SHQ1: variants seen among roughly 807,000 people sequenced by gnomAD.
SHQ1 encodes the protein SHQ1, H/ACA ribonucleoprotein assembly factor.
Under a neutral mutation model 53.8 loss-of-function variants are expected in SHQ1, and 49 were observed. The observed-to-expected ratio is 0.91, with a 90% CI of 0.72 to 1.16. The LOEUF (loss-of-function observed/expected upper bound fraction) is 1.16, where lower values mean the gene tolerates loss of function less well. Ranked by LOEUF, SHQ1 falls within the 50% of genes most tolerant of loss-of-function variation. The probability of loss-of-function intolerance (pLI) is 0.00; values close to 1 mark genes in which losing one functional copy is unlikely to be tolerated. For missense variants in SHQ1, 738 were observed against 683.1 expected, an observed-to-expected ratio of 1.08 and a Z score of -0.90; for synonymous variants, 243 against 251.0, an observed-to-expected ratio of 0.97 and a Z score of 0.30.
In SHQ1 at chr3:72,841,026, T is replaced by C; in HGVS notation, c.486+19A>G. 1 of 1,594,378 alleles carries C rather than the reference T, an allele frequency of 6.3e-7. No homozygotes were observed. The highest frequency in any genetic ancestry group is 1.2e-5 in the South Asian group (1 of 86,856). On this transcript the variant is annotated intron_variant, in intron 4 of 10. Transcript: ENST00000325599. ...TGGAAAAACCCTATAGATCAAGATC[T>C]TTCAGAAAGACAACATACCTGTAAC...
intron 3 of SHQ1, 64 bp downstream of exon 3, chr3:72,842,216 C>T (rs892794661): frequency 3.6e-5 from 57 of 1,569,916 alleles, no homozygotes; most frequent in Non-Finnish European, 4.7e-5. Flanking sequence ...ATTTCCCCTA[C>T]AAATACACAG....
At chr3:72,838,713 C>T (rs1274345209) in intron 4 of SHQ1, among the ~76,000 whole-genome samples, 1 of 152,104 alleles carries the variant, frequency 6.6e-6, no homozygotes, top group Non-Finnish European at 1.5e-5. Flanking sequence ...GTTGGCTAGA[C>T]TGGTCTCAAA....
rs183638061 is a variant in SHQ1, at chr3:72,834,067, T to C, written c.487-1586A>G. Among the ~76,000 whole-genome samples the C allele has an allele frequency of 2.0e-3, 299 of 152,356 alleles. 1 individual carries two copies. The highest frequency in any genetic ancestry group is 6.8e-3 in the African/African-American group (283 of 41,576). ...AAACCACTGCAACAAATGTGAGCAATGCTGAATCAGTTAGAGATAGGATAG... is the reference window on the plus strand; with the variant it reads ...AAACCACTGCAACAAATGTGAGCAACGCTGAATCAGTTAGAGATAGGATAG... On this transcript the variant is annotated intron_variant, in intron 4 of 10. Transcript: ENST00000325599.
intron 9 of SHQ1, among the ~76,000 whole-genome samples, chr3:72,800,408 T>G (rs2106820980): frequency 6.6e-6 from 1 of 152,342 alleles, no homozygotes; most frequent in African/African-American, 2.4e-5. Flanking sequence ...GGTACTTTCT[T>G]CCTTGTTTCA....
At chr3:72,796,679 G>C (rs1706634045) in intron 9 of SHQ1, among the ~76,000 whole-genome samples, 1 of 151,536 alleles carries the variant, frequency 6.6e-6, no homozygotes, top group African/African-American at 2.4e-5. Flanking sequence ...AATTAGTCGG[G>C]CATGGTGGCA....
At position 72,821,740 on chromosome 3, in the gene SHQ1, G is replaced by A. The variant is rs77765230; in HGVS notation, c.727+2684C>T. Reference sequence around the variant, plus strand: ...GAGAGGCAAAGAACAAAGAGGAAGAGGAGAAAAGGTACAGCAGCATGCACC... The same window carrying A: ...GAGAGGCAAAGAACAAAGAGGAAGAAGAGAAAAGGTACAGCAGCATGCACC... On this transcript the variant is annotated intron_variant, in intron 6 of 10. Transcript: ENST00000325599. 5.7e-3 allele frequency among the ~76,000 whole-genome samples: 863 copies of A among 152,316 alleles called. 11 individuals carry two copies. Among genetic ancestry groups the A allele is most frequent in the Middle Eastern group, 0.02 (6 of 294 alleles).
At chr3:72,751,578 T>C (rs1263258234) in intron 10 of SHQ1, among the ~76,000 whole-genome samples, 1 of 145,580 alleles carries the variant, frequency 6.9e-6, no homozygotes, top group African/African-American at 2.6e-5. Context: ...GAGTTCCTAA[T>C]AATGGATATA....
Position 72,750,417 on chromosome 3 carries a change from A to G in SHQ1, c.1601T>C (p.Val534Ala), listed in dbSNP as rs757373339. 1.2e-6 allele frequency: 2 copies of G among 1,613,832 alleles called. No homozygotes were observed. The highest frequency in any genetic ancestry group is 1.1e-5 in the South Asian group (1 of 91,066). Reference protein sequence around the residue: ...KPLASSWPLGVSGPLIEELGE... With the variant: ...KPLASSWPLGASGPLIEELGE... ...AAGCTCCTCTATCAGAGGCCCAGAC[A>G]CTCCAAGAGGCCAGGAAGAGGCAAG... Residue 534 changes from valine to alanine, a missense_variant, in exon 11 of 11, where the codon GTG becomes GCG. Transcript: ENST00000325599.
In SHQ1 at chr3:72,793,049, G is replaced by A. The variant is rs887278085; in HGVS notation, c.1061-13C>T. 12 of 1,588,128 alleles carry A rather than the reference G, an allele frequency of 7.6e-6. No individual in the cohort carries two copies. Among genetic ancestry groups the A allele is most frequent in the Non-Finnish European group, 1.0e-5 (12 of 1,166,554 alleles). ...ACTGCACTTTTACCTAAAGAAAATT[G>A]AAAAAACATAAAATTATCCTTAAGA... On this transcript the variant is annotated splice_polypyrimidine_tract_variant and intron_variant, in intron 9 of 10. Transcript: ENST00000325599.
At chr3:72,832,776 C>T (rs1334462610) in intron 4 of SHQ1, among the ~76,000 whole-genome samples, 1 of 152,272 alleles carries the variant, frequency 6.6e-6, no homozygotes, top group East Asian at 1.9e-4. Context: ...TAAACCCCTA[C>T]AAGCAAGCAG....
rs1348964403 is a variant in SHQ1 at position 72,834,085 on chromosome 3, T to C, written c.487-1604A>G. On this transcript the variant is annotated intron_variant, in intron 4 of 10. Transcript: ENST00000325599. Reference sequence around the variant, plus strand: ...TGAGCAATGCTGAATCAGTTAGAGATAGGATAGAGCCTCTCCAATCAAAAT... The same window carrying C: ...TGAGCAATGCTGAATCAGTTAGAGACAGGATAGAGCCTCTCCAATCAAAAT... Among the ~76,000 whole-genome samples the C allele has an allele frequency of 3.9e-5, 6 of 152,344 alleles. No homozygotes were observed. In the East Asian group the frequency reaches 1.2e-3, roughly 29 times the overall value.
intron 10 of SHQ1, among the ~76,000 whole-genome samples, chr3:72,777,750 T>C (rs2174062): frequency 0.33 from 50,718 of 152,050 alleles, 10,515 homozygotes; most frequent in African/African-American, 0.59. Context: ...GAAACACGTA[T>C]AGTGATATCT....
chr3:72,757,912 A>G (rs1369890179), intron 10 of SHQ1, among the ~76,000 whole-genome samples: 3 of 152,208 alleles, frequency 2.0e-5, no homozygotes, highest in Non-Finnish European at 4.4e-5. Flanking sequence ...TAATCTGTAC[A>G]TCAAACTCCC....
chr3:72,842,747 A>G (rs1329099041), intron 2 of SHQ1, among the ~76,000 whole-genome samples: 1 of 152,220 alleles, frequency 6.6e-6, no homozygotes, highest in Non-Finnish European at 1.5e-5. Context: ...AAGGTTCTTA[A>G]CAAGGGTTTT....
intron 10 of SHQ1, among the ~76,000 whole-genome samples, chr3:72,754,118 A>G (rs1705448676): frequency 6.6e-6 from 1 of 152,208 alleles, no homozygotes; most frequent in African/African-American, 2.4e-5. Context: ...ACTTCTCAAC[A>G]ATATACAAAG....
At chr3:72,728,281 C>T in the SHQ1 span, among the ~76,000 whole-genome samples, 5 of 152,190 alleles carry the variant, frequency 3.3e-5, no homozygotes, top group Non-Finnish European at 5.9e-5. Flanking sequence ...GTTGATGGGG[C>T]TTCAGGGGTG....
intron 10 of SHQ1, among the ~76,000 whole-genome samples, chr3:72,760,370 G>GT (rs1214230645): frequency 1.3e-5 from 2 of 152,186 alleles, no homozygotes; most frequent in African/African-American, 4.8e-5. Flanking sequence ...GCGTTTCTTT[G>GT]TAACTTTCTA....
rs1032461854 is a variant in SHQ1, at chr3:72,749,568, G to C, written c.*716C>G. On this transcript the variant is annotated 3_prime_UTR_variant, in exon 11 of 11. Transcript: ENST00000325599. ...GGGCACAAGGGCACTTGGGAATGAT[G>C]GGTCCGTTCCTCACTTCAGTTGTGG... 4.5e-6 allele frequency: 1 copy of C among 220,980 alleles called. No homozygotes were observed. The highest frequency in any genetic ancestry group is 9.1e-6 in the Non-Finnish European group (1 of 110,476). The allele number at this position is 220,980 out of a possible 1,614,324, so 13.7% of individuals were successfully genotyped here.
At chr3:72,810,413 T>C (rs929586945) in intron 9 of SHQ1, among the ~76,000 whole-genome samples, 3 of 152,228 alleles carry the variant, frequency 2.0e-5, no homozygotes, top group African/African-American at 2.4e-5. Flanking sequence ...TCCTGGCTCT[T>C]TGAAAACTCA....
Sources: gnomAD v4.1 joint callset for allele counts (sites outside exome capture counted in the v4.1 genomes callset) on GRCh38, gnomAD v4.1.1 for gene constraint, MANE v1.5 for transcripts, NCBI Gene and HGNC (gene_info 2026-07-23, HGNC 2026-07-21) for gene names.